The following KCNH5 variants were observed in gnomAD, a reference collection of about 807,000 sequenced individuals.
The protein encoded by KCNH5 is voltage-gated delayed rectifier potassium channel KCNH5.
KCNH5 carries 46 observed loss-of-function variants against 96.1 expected under a neutral mutation model. The ratio of observed to expected loss-of-function variants is 0.48; its 90% CI spans 0.38 to 0.61. The LOEUF is 0.61. Among genes scored for constraint, KCNH5 ranks in the 20% least tolerant of loss-of-function variants. The pLI, the probability that KCNH5 is intolerant of heterozygous loss-of-function variation, is 0.00. For synonymous variants in KCNH5, 439 were observed against 449.8 expected (o/e 0.98, Z 0.30); for missense variants, 907 against 1,225.8 (o/e 0.74, Z 3.88).
At chr14:62,861,632 C>T (rs1888034465) in intron 7 of KCNH5, among the ~76,000 whole-genome samples, 1 of 127,386 alleles carries the variant, frequency 7.9e-6, no homozygotes, top group African/African-American at 3.4e-5. Context: ...CCCACCATCT[C>T]CATTTACACA....
intron 2 of KCNH5, among the ~76,000 whole-genome samples, chr14:63,012,256 G>A (rs758149354): frequency 6.6e-6 from 1 of 152,138 alleles, no homozygotes; most frequent in Non-Finnish European, 1.5e-5. Context: ...CAGCAAAACA[G>A]TGCAAAGGCG....
At position 62,711,262 on chromosome 14, in the gene KCNH5, G is replaced by A. The variant is rs551379877; in HGVS notation, c.2020-2807C>T. On this transcript the variant is annotated intron_variant, in intron 10 of 10. Transcript: ENST00000322893. ...CAACCAAGAACAAACAAAAGTGTTT[G>A]AATTGCTACTATTTAGCTAGAAACA... 1.7e-3 allele frequency among the ~76,000 whole-genome samples: 248 copies of A among 145,382 alleles called. 1 individual carries two copies. The highest frequency in any genetic ancestry group is 3.8e-3 in the Admixed American group (56 of 14,654).
intron 7 of KCNH5, among the ~76,000 whole-genome samples, chr14:62,856,423 A>G (rs936889336): frequency 6.6e-6 from 1 of 152,206 alleles, no homozygotes. Context: ...TAAACTATTG[A>G]TATGATAATG....
intron 8 of KCNH5, among the ~76,000 whole-genome samples, chr14:62,832,171 T>G (rs1887366690): frequency 6.6e-6 from 1 of 152,110 alleles, no homozygotes; most frequent in African/African-American, 2.4e-5. Flanking sequence ...TTTACCCTAC[T>G]ATTAAACTTT....
chr14:63,035,109 T>A (rs1256124664), intron 1 of KCNH5, among the ~76,000 whole-genome samples: 1 of 152,198 alleles, frequency 6.6e-6, no homozygotes, highest in Non-Finnish European at 1.5e-5. Flanking sequence ...AGTTACATAA[T>A]CTTGGGGAAT....
intron 5 of KCNH5, among the ~76,000 whole-genome samples, chr14:62,983,902 T>C (rs1890657568): frequency 1.3e-5 from 2 of 151,974 alleles, no homozygotes; most frequent in African/African-American, 2.4e-5. Flanking sequence ...GTGATTTGCA[T>C]ATGTAAAGCC....
At chr14:62,983,733 A>C (rs1367165791) in intron 5 of KCNH5, among the ~76,000 whole-genome samples, 1 of 152,154 alleles carries the variant, frequency 6.6e-6, no homozygotes, top group African/African-American at 2.4e-5. Context: ...CAGTATACTT[A>C]TACCTAGACT....
chr14:62,934,932 C>T (rs1267728696), intron 7 of KCNH5, among the ~76,000 whole-genome samples: 1 of 151,902 alleles, frequency 6.6e-6, no homozygotes, highest in East Asian at 1.9e-4. Context: ...CAAGAGAAAC[C>T]CAAAATAGGT....
At chr14:62,802,265 G>T in intron 9 of KCNH5, 64 bp downstream of exon 9, 1 of 1,542,032 alleles carries the variant, frequency 6.5e-7, no homozygotes, top group Non-Finnish European at 8.8e-7. Flanking sequence ...TTAAAAATGC[G>T]AAAAGCAAAA....
intron 7 of KCNH5, among the ~76,000 whole-genome samples, chr14:62,876,918 T>G (rs1251617758): frequency 6.6e-6 from 1 of 152,170 alleles, no homozygotes; most frequent in African/African-American, 2.4e-5. Context: ...ATGTAAAAAT[T>G]TTGAAAATAG....
Sources: allele counts gnomAD v4.1 joint callset (sites outside exome capture counted in the v4.1 genomes callset), GRCh38; gene constraint gnomAD v4.1.1; transcripts MANE v1.5; gene names NCBI Gene and HGNC (gene_info 2026-07-23, HGNC 2026-07-21).